The following C12orf42 variants were observed in gnomAD, a reference collection of about 807,000 sequenced individuals.
C12orf42 encodes chromosome 12 open reading frame 42, also known as uncharacterized protein C12orf42.
C12orf42 carries 25 observed loss-of-function variants against 21.6 expected under a neutral mutation model. That is an observed-to-expected ratio of 1.16 (90% CI 0.84 to 1.62). The LOEUF (loss-of-function observed/expected upper bound fraction) is 1.62. Ranked by LOEUF, C12orf42 falls within the 40% of genes most tolerant of loss-of-function variation. The pLI is 0.00. For synonymous variants in C12orf42, 174 were observed against 175.0 expected, an observed-to-expected ratio of 0.99 and a Z score of 0.05; for missense variants, 483 against 459.3, an observed-to-expected ratio of 1.05 and a Z score of -0.47.
At chr12:103,416,098 C>CA (rs1329511992) in intron 2 of C12orf42, among the ~76,000 whole-genome samples, 7 of 150,992 alleles carry the variant, frequency 4.6e-5, no homozygotes, top group African/African-American at 1.7e-4. Context: ...GCAACTTGTG[C>CA]AACACATGGG....
At chr12:103,514,811 G>A in the C12orf42 span, among the ~76,000 whole-genome samples, 2 of 152,258 alleles carry the variant, frequency 1.3e-5, no homozygotes, top group African/African-American at 2.4e-5. Flanking sequence ...GAATTAAAAT[G>A]AACAACAGAA....
chr12:103,292,925 A>G (rs2036916380), intron 4 of C12orf42, among the ~76,000 whole-genome samples: 1 of 152,114 alleles, frequency 6.6e-6, no homozygotes. Context: ...TTTAAATGTT[A>G]GCAATTGACT....
intron 2 of C12orf42, among the ~76,000 whole-genome samples, chr12:103,464,812 T>C (rs2137746833): frequency 6.6e-6 from 1 of 152,288 alleles, no homozygotes; most frequent in East Asian, 1.9e-4. Context: ...GCACCATTTA[T>C]TAAATAGGGA....
At chr12:103,258,255 C>T (rs1243785777) in intron 10 of C12orf42, among the ~76,000 whole-genome samples, 1 of 151,950 alleles carries the variant, frequency 6.6e-6, no homozygotes, top group African/African-American at 2.4e-5. Context: ...TAAATAATAG[C>T]TTAAGAAGAG....
chr12:103,414,456 G>C (rs987058167), intron 2 of C12orf42, among the ~76,000 whole-genome samples: 1 of 152,084 alleles, frequency 6.6e-6, no homozygotes, highest in Non-Finnish European at 1.5e-5. Context: ...GATAGGAATA[G>C]CATTGAATCC....
At chr12:103,534,487 C>T in the C12orf42 span, among the ~76,000 whole-genome samples, 2 of 152,152 alleles carry the variant, frequency 1.3e-5, no homozygotes, top group African/African-American at 4.8e-5. Context: ...TGGATCTTCA[C>T]TCCCAACCTT....
chr12:103,309,013 A>G (rs1478020516), intron 4 of C12orf42, among the ~76,000 whole-genome samples: 2 of 152,234 alleles, frequency 1.3e-5, no homozygotes, highest in African/African-American at 4.8e-5. Flanking sequence ...GAATCTCCAG[A>G]AAAAGCCAAC....
At chr12:103,518,263 G>T in the C12orf42 span, among the ~76,000 whole-genome samples, 1 of 152,176 alleles carries the variant, frequency 6.6e-6, no homozygotes, top group Non-Finnish European at 1.5e-5. Context: ...AAGAAGCCAG[G>T]TAGCTCATGG....
In C12orf42 at chr12:103,374,399, G is replaced by A. The variant is rs151269943; in HGVS notation, c.148-5401C>T. ...AGATTTCCAAGATTGAGGTTTGATT[G>A]TGAGGATGGTAGAGTCTGTGGCTGC... On this transcript the variant is annotated intron_variant, in intron 3 of 5. Transcript: ENST00000548883. 2.3e-3 allele frequency among the ~76,000 whole-genome samples: 347 copies of A among 152,228 alleles called. 1 individual carries two copies. Among genetic ancestry groups the A allele is most frequent in the African/African-American group, 7.9e-3 (328 of 41,544 alleles).
intron 4 of C12orf42, among the ~76,000 whole-genome samples, chr12:103,312,261 A>G (rs1450607196): frequency 1.3e-5 from 2 of 152,168 alleles, no homozygotes; most frequent in African/African-American, 4.8e-5. Flanking sequence ...TTTCTACTAC[A>G]CAATCAATGC....
the C12orf42 span, among the ~76,000 whole-genome samples, chr12:103,512,921 G>C: frequency 6.6e-6 from 1 of 151,720 alleles, no homozygotes; most frequent in Non-Finnish European, 1.5e-5. Flanking sequence ...AGAATCACTG[G>C]AACCCGGGAG....
intron 4 of C12orf42, among the ~76,000 whole-genome samples, chr12:103,362,724 A>C (rs2044226280): frequency 6.6e-6 from 1 of 152,132 alleles, no homozygotes; most frequent in African/African-American, 2.4e-5. Flanking sequence ...CAGCAATAGA[A>C]TCAAAAACAG....
At chr12:103,151,947 T>A in the C12orf42 span, 1 of 152,198 alleles carries the variant, frequency 6.6e-6, no homozygotes, top group South Asian at 2.1e-4. Flanking sequence ...GATGAGTCAT[T>A]AAAGGGAGTG....
the C12orf42 span, among the ~76,000 whole-genome samples, chr12:103,210,020 C>A: frequency 6.6e-6 from 1 of 152,016 alleles, no homozygotes; most frequent in African/African-American, 2.4e-5. Context: ...TTAAAGACAG[C>A]CCTTTCCTGG....
At chr12:103,345,297 T>C (rs1000408536) in intron 4 of C12orf42, among the ~76,000 whole-genome samples, 7 of 152,184 alleles carry the variant, frequency 4.6e-5, no homozygotes, top group African/African-American at 1.7e-4. Flanking sequence ...CAGATAATAA[T>C]AGGACCTTAC....
At chr12:103,069,485 C>T in the C12orf42 span, among the ~76,000 whole-genome samples, 142 of 152,178 alleles carry the variant, frequency 9.3e-4, 1 homozygote, top group Middle Eastern at 3.4e-3. Flanking sequence ...TAGGCAAAAT[C>T]ATCTAATACA....
the C12orf42 span, among the ~76,000 whole-genome samples, chr12:103,127,124 C>T: frequency 2.0e-5 from 3 of 152,172 alleles, no homozygotes; most frequent in Non-Finnish European, 4.4e-5. Flanking sequence ...GGAGGAGCAT[C>T]ATTTGATGGC....
chr12:103,395,068 G>A (rs1645538734), intron 3 of C12orf42, among the ~76,000 whole-genome samples: 1 of 152,186 alleles, frequency 6.6e-6, no homozygotes, highest in Admixed American at 6.5e-5. Context: ...GGGAGCTAAG[G>A]ATACAACAAA....
At chr12:103,544,467 T>C in the C12orf42 span, among the ~76,000 whole-genome samples, 2 of 152,340 alleles carry the variant, frequency 1.3e-5, no homozygotes, top group East Asian at 1.9e-4. Flanking sequence ...AATTTGACTA[T>C]GACGTTTCCA....
Sources: gnomAD v4.1 joint callset for allele counts (sites outside exome capture counted in the v4.1 genomes callset) on GRCh38, gnomAD v4.1.1 for gene constraint, MANE v1.5 for transcripts, NCBI Gene and HGNC (gene_info 2026-07-23, HGNC 2026-07-21) for gene names.